The following NSL1 variants were observed in gnomAD, a reference collection of about 807,000 sequenced individuals.
NSL1 encodes the protein NSL1 component of MIS12 kinetochore complex.
A neutral mutation model predicts 25.4 loss-of-function variants in NSL1; 11 were observed. That is an observed-to-expected ratio of 0.43 (90% CI 0.27 to 0.72). NSL1 has a LOEUF of 0.72. Ranked by LOEUF, NSL1 falls within the 30% of genes least tolerant of loss-of-function variation. NSL1 has a pLI of 0.19. For missense variants in NSL1, 330 were observed against 342.7 expected (o/e 0.96, Z 0.29); for synonymous variants, 118 against 120.6 (o/e 0.98, Z 0.14).
chr1:212,752,889 C>CAAA (rs11284993), intron 4 of NSL1, among the ~76,000 whole-genome samples: 185 of 133,976 alleles, frequency 1.4e-3, no homozygotes, highest in African/African-American at 4.6e-3. Flanking sequence ...AGAAATTCAG[C>CAAA]AAAAAAAAAA....
chr1:212,750,625 G>A (rs1659025400), intron 4 of NSL1, among the ~76,000 whole-genome samples: 1 of 152,110 alleles, frequency 6.6e-6, no homozygotes, highest in East Asian at 1.9e-4. Flanking sequence ...AGTTCTGTTA[G>A]ACACAACAGA....
intron 5 of NSL1, 48 bp downstream of exon 5, chr1:212,739,486 G>C: frequency 6.4e-7 from 1 of 1,550,650 alleles, no homozygotes; most frequent in African/African-American, 1.4e-5. Context: ...CAAATACCTA[G>C]CCATACATTT....
At position 212,736,915 on chromosome 1, in the gene NSL1, A is replaced by G. The variant is rs1658252636; in HGVS notation, c.*1493T>C. On this transcript the variant is annotated 3_prime_UTR_variant, in exon 6 of 6. Coordinates refer to ENST00000366977, the MANE Select transcript of NSL1 (RefSeq NM_015471.4). ...GTTCTTATATAATCAAAATGCAAGT[A>G]GCTTATATAATCTAATAGAATTAAC... The G allele has an allele frequency of 1.0e-6, 1 of 983,260 alleles. No individual in the cohort carries two copies. Among genetic ancestry groups the G allele is most frequent in the African/African-American group, 1.7e-5 (1 of 57,212 alleles). 60.9% of individuals were successfully genotyped at this position (983,260 alleles called of 1,614,324 possible). A position where few individuals can be genotyped will look rare whatever the true frequency, so the allele number is the denominator to read the frequency against.
intron 4 of NSL1, among the ~76,000 whole-genome samples, chr1:212,753,200 C>T (rs1480099107): frequency 6.6e-6 from 1 of 152,240 alleles, no homozygotes; most frequent in Non-Finnish European, 1.5e-5. Flanking sequence ...CCACCTCCTT[C>T]AGTACCATGT....
chr1:212,786,024 CTCTT>C (rs777269756), intron 2 of NSL1, among the ~76,000 whole-genome samples: 4 of 150,390 alleles, frequency 2.7e-5, no homozygotes, highest in Non-Finnish European at 5.9e-5. Flanking sequence ...TTTCCTTTTT[CTCTT>C]TCTTTCCTTC....
Position 212,733,048 on chromosome 1 carries a change from T to C in NSL1, c.*5360A>G, listed in dbSNP as rs2102421785. On this transcript the variant is annotated 3_prime_UTR_variant, in exon 6 of 6. Coordinates refer to ENST00000366977, the MANE Select transcript of NSL1 (RefSeq NM_015471.4). Reference sequence around the variant, plus strand: ...ATTGAGATATACTTTACCATCTCACTCACCCTTTTAAACTGTATTGTTCAA... The same window carrying C: ...ATTGAGATATACTTTACCATCTCACCCACCCTTTTAAACTGTATTGTTCAA... Among the ~76,000 whole-genome samples the C allele has an allele frequency of 6.6e-6, 1 of 152,310 alleles. No homozygotes were observed. The highest frequency in any genetic ancestry group is 1.9e-4 in the East Asian group (1 of 5,178).
In NSL1 at chr1:212,728,286, A is replaced by G. The variant is rs1410703377; in HGVS notation, c.*10122T>C. 2.0e-6 allele frequency: 2 copies of G among 976,754 alleles called. No individual in the cohort carries two copies. Among genetic ancestry groups the G allele is most frequent in the Non-Finnish European group, 1.2e-6 (1 of 822,096 alleles). The allele number at this position is 976,754 out of a possible 1,614,324, so 60.5% of individuals were successfully genotyped here. A position where few individuals can be genotyped will look rare whatever the true frequency, so the allele number is the denominator to read the frequency against. On this transcript the variant is annotated 3_prime_UTR_variant, in exon 6 of 6. Coordinates refer to ENST00000366977, the MANE Select transcript of NSL1 (RefSeq NM_015471.4). Reference sequence around the variant, plus strand: ...ACATTATATATGTAAACATTTATTTAAAGTATTTTTGTACAATTCCAGGCA... The same window carrying G: ...ACATTATATATGTAAACATTTATTTGAAGTATTTTTGTACAATTCCAGGCA...
At chr1:212,790,096 C>A (rs564636736) in intron 1 of NSL1, among the ~76,000 whole-genome samples, 2 of 152,216 alleles carry the variant, frequency 1.3e-5, no homozygotes, top group African/African-American at 4.8e-5. Context: ...TCACTGCAAG[C>A]TCCGCCTCCC....
intron 4 of NSL1, 29 bp from the exon 5 acceptor site, chr1:212,739,630 A>G: frequency 1.2e-6 from 2 of 1,607,708 alleles, no homozygotes; most frequent in South Asian, 1.1e-5. Flanking sequence ...ACAGTATTTT[A>G]GGTTTTTATC....
intron 4 of NSL1, among the ~76,000 whole-genome samples, chr1:212,743,231 C>A (rs1325052303): frequency 2.0e-5 from 3 of 151,886 alleles, no homozygotes; most frequent in Non-Finnish European, 4.4e-5. Context: ...GTGGTGCGAT[C>A]TCAGCTCATT....
chr1:212,788,955 G>A (rs1661060953), intron 1 of NSL1, among the ~76,000 whole-genome samples: 1 of 152,112 alleles, frequency 6.6e-6, no homozygotes, highest in South Asian at 2.1e-4. Flanking sequence ...CACAGAAAGG[G>A]GGTATAGAAA....
At position 212,732,343 on chromosome 1, in the gene NSL1, G is replaced by A. The variant is rs564164149; in HGVS notation, c.*6065C>T. On this transcript the variant is annotated 3_prime_UTR_variant, in exon 6 of 6. Coordinates refer to ENST00000366977, the MANE Select transcript of NSL1 (RefSeq NM_015471.4). The stretch of plus-strand genomic sequence containing the variant: ...TTTTTTTTTTTTGAGATGAAGTTTC[G>A]TTCTTGTTGCCCAGGCTGGAGTGCG... 79 of 848,894 alleles carry A rather than the reference G, an allele frequency of 9.3e-5. No homozygotes were observed. Among genetic ancestry groups the A allele is most frequent in the Admixed American group, 4.0e-4 (5 of 12,352 alleles). The allele number at this position is 848,894 out of a possible 1,614,324, so 52.6% of individuals were successfully genotyped here. A position where few individuals can be genotyped will look rare whatever the true frequency, so the allele number is the denominator to read the frequency against.
At chr1:212,738,714 A>T in intron 5 of NSL1, 28 bp from the exon 6 acceptor site, 1 of 1,575,480 alleles carries the variant, frequency 6.3e-7, no homozygotes, top group South Asian at 1.1e-5. Flanking sequence ...GTAATATTCA[A>T]CATTAATCTC....
At chr1:212,778,652 C>T (rs1259587681) in intron 4 of NSL1, among the ~76,000 whole-genome samples, 13 of 152,110 alleles carry the variant, frequency 8.5e-5, no homozygotes, top group South Asian at 8.3e-4. Flanking sequence ...CTGCCAGCCT[C>T]GGCCTCCCGA....
In NSL1 at chr1:212,731,288, G is replaced by A; in HGVS notation, c.*7120C>T. 2.0e-6 allele frequency: 2 copies of A among 984,836 alleles called. No individual in the cohort carries two copies. The highest frequency in any genetic ancestry group is 2.4e-6 in the Non-Finnish European group (2 of 829,476). 61.0% of individuals were successfully genotyped at this position (984,836 alleles called of 1,614,324 possible). ...ATACTGTGATAGGCCAGGTGCAGTG[G>A]CTCATTCCTGTAATCCCAGCACTTT... On this transcript the variant is annotated 3_prime_UTR_variant, in exon 6 of 6. Transcript: ENST00000366977.
intron 4 of NSL1, among the ~76,000 whole-genome samples, chr1:212,769,938 GC>G (rs1660023657): frequency 6.6e-6 from 1 of 152,052 alleles, no homozygotes; most frequent in African/African-American, 2.4e-5. Flanking sequence ...CCAACTATAT[GC>G]TGCCTACAAG....
chr1:212,756,389 T>A (rs1236078217), intron 4 of NSL1, among the ~76,000 whole-genome samples: 2 of 152,196 alleles, frequency 1.3e-5, no homozygotes, highest in African/African-American at 4.8e-5. Flanking sequence ...GGCTTACAGG[T>A]GTGAGCCACT....
chr1:212,784,579 T>C, intron 2 of NSL1, 86 bp from the exon 3 acceptor site: 1 of 750,148 alleles, frequency 1.3e-6, no homozygotes, highest in Non-Finnish European at 1.9e-6. Flanking sequence ...ATAAACTAAA[T>C]TTAGAAAACA....
chr1:212,738,761 C>A, intron 5 of NSL1, 75 bp from the exon 6 acceptor site: 3 of 1,224,586 alleles, frequency 2.4e-6, no homozygotes, highest in Non-Finnish European at 2.2e-6. Context: ...GGATGCAGTA[C>A]TCTAATTTTT....
Sources: gnomAD v4.1 joint callset for allele counts (sites outside exome capture counted in the v4.1 genomes callset) on GRCh38, gnomAD v4.1.1 for gene constraint, MANE v1.5 for transcripts, NCBI Gene and HGNC (gene_info 2026-07-23, HGNC 2026-07-21) for gene names.